Variants in KRT75 observed in about 807,000 individuals in gnomAD.
The protein encoded by KRT75 is keratin, type II cytoskeletal 75.
A neutral mutation model predicts 48.8 loss-of-function variants in KRT75; 35 were observed. The ratio of observed to expected loss-of-function variants is 0.72; its 90% confidence interval spans 0.55 to 0.95. The LOEUF (loss-of-function observed/expected upper bound fraction) is 0.95, where lower values mean the gene tolerates loss of function less well. Among genes scored for constraint, KRT75 ranks in the 40% least tolerant of loss-of-function variants. KRT75 has a pLI of 0.00. For missense variants in KRT75, 776 were observed against 709.9 expected (o/e 1.09, Z -1.06); for synonymous variants, 301 against 282.3 (o/e 1.07, Z -0.66).
At chr12:52,430,733 A>T in intron 4 of KRT75, 28 bp from the exon 5 acceptor site, 1 of 1,613,822 alleles carries the variant, frequency 6.2e-7, no homozygotes, top group Non-Finnish European at 8.5e-7. Flanking sequence ...CAGCATCACC[A>T]AGGCATAAGA....
Position 52,434,036 on chromosome 12 carries a change from T to C in KRT75, c.269A>G (p.Asn90Ser). The C allele has an allele frequency of 6.2e-7, 1 of 1,614,076 alleles. No individual in the cohort carries two copies. The highest frequency in any genetic ancestry group is 8.5e-7 in the Non-Finnish European group (1 of 1,180,006). Reference protein sequence around the residue: ...CRSGFGGRASNRFGVNSGFGY... With the variant: ...CRSGFGGRASSRFGVNSGFGY... ...AAATCCACTGTTGACTCCAAACCTG[T>C]TGCTGGCCCTGCCACCAAAGCCACT... is the stretch of plus-strand genomic sequence containing the variant. The change falls in exon 1 of 9, where the codon AAC becomes AGC. Residue 90 changes from asparagine to serine, a missense_variant. Transcript: ENST00000252245.
At position 52,424,260 on chromosome 12, in the gene KRT75, C is replaced by G. The variant is rs370631744; in HGVS notation, c.*257G>C. On this transcript the variant is annotated 3_prime_UTR_variant, in exon 9 of 9. Transcript: ENST00000252245. ...GAGGACTTTCCAGCTGCCCGGGCCT[C>G]GCAAGATAGGCTGAATGAGAGCCTT... The G allele has an allele frequency of 5.5e-6, 3 of 549,280 alleles. No homozygotes were observed. The highest frequency in any genetic ancestry group is 3.0e-5 in the Admixed American group (1 of 32,858). 34.0% of individuals were successfully genotyped at this position (549,280 alleles called of 1,614,324 possible).
At position 52,433,174 on chromosome 12, in the gene KRT75, T is replaced by A; in HGVS notation, c.577A>T (p.Arg193Trp). Residue 193 changes from arginine (R) to tryptophan (W), a missense_variant, in exon 2 of 9, where the codon AGG becomes TGG. By Grantham distance (101) the Arg-to-Trp change is moderately radical. Transcript: ENST00000252245. ...LLQEQGSRTV[R>W]QNLEPLFDSY... Reference sequence around the variant, plus strand: ...TCAAAGAGGGGCTCTAGGTTCTGCCTCACAGTCCTGGAGCCCTGCTCCTGC... The same window carrying A: ...TCAAAGAGGGGCTCTAGGTTCTGCCACACAGTCCTGGAGCCCTGCTCCTGC... 1 of 1,614,002 alleles carries A rather than the reference T, an allele frequency of 6.2e-7. No homozygotes were observed. The highest frequency in any genetic ancestry group is 1.1e-5 in the South Asian group (1 of 91,062).
chr12:52,432,993 G>T, intron 2 of KRT75, 45 bp downstream of exon 2: 1 of 1,583,230 alleles, frequency 6.3e-7, no homozygotes. Context: ...ACACAAAGGA[G>T]CCTTCAGATG....
At chr12:52,430,812 C>T in intron 4 of KRT75, 107 bp from the exon 5 acceptor site, 1 of 1,213,196 alleles carries the variant, frequency 8.2e-7, no homozygotes. Flanking sequence ...GTATTCCTGG[C>T]AGATTCTCCC....
intron 7 of KRT75, among the ~76,000 whole-genome samples, chr12:52,427,877 G>C (rs1423002228): frequency 6.6e-6 from 1 of 152,174 alleles, no homozygotes; most frequent in Admixed American, 6.5e-5. Context: ...AGAGAAGGGA[G>C]ACTGACTTTC....
Position 52,428,604 on chromosome 12 carries a change from T to C in KRT75, c.1161+14A>G, listed in dbSNP as rs751812993. On this transcript the variant is annotated intron_variant, in intron 6 of 8. Transcript: ENST00000252245. ...TGAGCATTTGAGGAGCTCTTGGCCCTGCCAAATCTTTACCTGCTTCTTGAC... is the reference window on the plus strand; with the variant it reads ...TGAGCATTTGAGGAGCTCTTGGCCCCGCCAAATCTTTACCTGCTTCTTGAC... 6 of 1,614,234 alleles carry C rather than the reference T, an allele frequency of 3.7e-6. No homozygotes were observed. In the South Asian group the frequency reaches 6.6e-5, roughly 18 times the overall value.
chr12:52,428,075 A>C (rs1220923730), intron 7 of KRT75, 181 bp downstream of exon 7: 1 of 757,588 alleles, frequency 1.3e-6, no homozygotes, highest in African/African-American at 1.7e-5. Context: ...CTGTAGTTGC[A>C]CCTCAAATGA....
In KRT75 at chr12:52,428,393, G is replaced by A. The variant is rs369049301; in HGVS notation, c.1245C>T (p.Asp415=). The change falls in exon 7 of 9, where the codon GAC becomes GAT. Residue 415 remains aspartate (D), a synonymous_variant. Transcript: ENST00000252245. ...ALKDARAKLV[D]LEEALQKAKQ... Reference sequence around the variant, plus strand: ...TGGCCTTCTGCAGGGCCTCCTCAAGGTCCACCAGCTTGGCCCGTGCATCCT... The same window carrying A: ...TGGCCTTCTGCAGGGCCTCCTCAAGATCCACCAGCTTGGCCCGTGCATCCT... 8.1e-6 allele frequency: 13 copies of A among 1,614,022 alleles called. No individual in the cohort carries two copies. Among genetic ancestry groups the A allele is most frequent in the Non-Finnish European group, 9.3e-6 (11 of 1,180,044 alleles).
In KRT75 at chr12:52,424,090, T is replaced by A. The variant is rs181207535; in HGVS notation, c.*427A>T. The stretch of plus-strand genomic sequence containing the variant: ...CCAAACAGGTGACACATGCATTTAA[T>A]AGACACATTCCAGGGAGGGAACAGA... On this transcript the variant is annotated 3_prime_UTR_variant, in exon 9 of 9. Transcript: ENST00000252245. The A allele has an allele frequency of 2.7e-5, 8 of 293,912 alleles. No homozygotes were observed. Among genetic ancestry groups the A allele is most frequent in the South Asian group, 1.5e-4 (4 of 27,006 alleles). The allele number at this position is 293,912 out of a possible 1,614,324, so 18.2% of individuals were successfully genotyped here. A position where few individuals can be genotyped will look rare whatever the true frequency, so the allele number is the denominator to read the frequency against.
At chr12:52,427,001 G>T (rs1940083410) in intron 7 of KRT75, 150 bp from the exon 8 acceptor site, 2 of 710,406 alleles carry the variant, frequency 2.8e-6, no homozygotes, top group Admixed American at 4.1e-5. Context: ...AATTATTTGA[G>T]AACTAGTAGT....
intron 1 of KRT75, 135 bp downstream of exon 1, chr12:52,433,672 C>T (rs970089550): frequency 3.6e-6 from 5 of 1,395,008 alleles, no homozygotes; most frequent in Admixed American, 1.8e-5. Flanking sequence ...AGGGTCTCAG[C>T]CCCTGGGAGC....
intron 8 of KRT75, among the ~76,000 whole-genome samples, chr12:52,425,020 C>T (rs1814300357): frequency 1.3e-5 from 2 of 152,202 alleles, no homozygotes; most frequent in South Asian, 4.1e-4. Context: ...CAGCTCCAGT[C>T]CACCTGCTTT....
At position 52,430,723 on chromosome 12, in the gene KRT75, C is replaced by T. The variant is rs2121512859; in HGVS notation, c.871-18G>A. 6.2e-7 allele frequency: 1 copy of T among 1,614,076 alleles called. No individual in the cohort carries two copies. Among genetic ancestry groups the T allele is most frequent in the South Asian group, 1.1e-5 (1 of 91,076 alleles). ...GACAGCTCCTGCAGGGCAGTAAACT[C>T]AGCATCACCAAGGCATAAGATGAAG... On this transcript the variant is annotated intron_variant, in intron 4 of 8. Transcript: ENST00000252245.
In KRT75 at chr12:52,432,984, C is replaced by A. The variant is rs1159596719; in HGVS notation, c.713+54G>T. 3 of 1,575,578 alleles carry A rather than the reference C, an allele frequency of 1.9e-6. No homozygotes were observed. The African/African-American group carries it at 4.0e-5, about 21-fold the overall frequency. On this transcript the variant is annotated intron_variant, in intron 2 of 8. Transcript: ENST00000252245. ...CTCCTTTGCACCTCTCTGGTCCTCA[C>A]ACAAAGGAGCCTTCAGATGGCTGTG...
intron 8 of KRT75, among the ~76,000 whole-genome samples, chr12:52,425,666 G>C (rs750479853): frequency 1.3e-5 from 2 of 152,234 alleles, no homozygotes; most frequent in African/African-American, 4.8e-5. Context: ...CTGGAGGGGG[G>C]CTGGGCTGCC....
Position 52,426,864 on chromosome 12 carries a change from A to G in KRT75, c.1383-13T>C. 1 of 1,613,820 alleles carries G rather than the reference A, an allele frequency of 6.2e-7. No homozygotes were observed. Among genetic ancestry groups the G allele is most frequent in the Non-Finnish European group, 8.5e-7 (1 of 1,179,684 alleles). On this transcript the variant is annotated splice_polypyrimidine_tract_variant and intron_variant, in intron 7 of 8. Transcript: ENST00000252245. Reference sequence around the variant, plus strand: ...CTCTCCACTCAACCTGATTGGGAAGAGCAGGGAGAAGGAAGGTTACCAATG... The same window carrying G: ...CTCTCCACTCAACCTGATTGGGAAGGGCAGGGAGAAGGAAGGTTACCAATG...
rs761029007 is a variant in KRT75 at position 52,431,612 on chromosome 12, C to T, written c.801G>A (p.Lys267=). The change falls in exon 4 of 9, where the codon AAG becomes AAA. Residue 267 remains lysine, a synonymous_variant. Coordinates refer to ENST00000252245, the MANE Select transcript of KRT75 (RefSeq NM_004693.3). ...ATTTGACCTTGGCTTCCAGCTCCAC[C>T]TTGTTCATATAGGCAGCATCTACGT... ...KKDVDAAYMN[K]VELEAKVKSL... 78 of 1,613,874 alleles carry T rather than the reference C, an allele frequency of 4.8e-5. No individual in the cohort carries two copies. The highest frequency in any genetic ancestry group is 6.4e-5 in the Non-Finnish European group (76 of 1,179,858).
At chr12:52,433,319 T>C in intron 1 of KRT75, 67 bp from the exon 2 acceptor site, 1 of 1,284,206 alleles carries the variant, frequency 7.8e-7, no homozygotes. Context: ...CTCCTATTAA[T>C]AAGGGAGAGA....
Sources: allele counts gnomAD v4.1 joint callset (sites outside exome capture counted in the v4.1 genomes callset), GRCh38; gene constraint gnomAD v4.1.1; transcripts MANE v1.5; gene names NCBI Gene and HGNC (gene_info 2026-07-23, HGNC 2026-07-21).